The following MRE11 variants were observed in gnomAD, a reference collection of about 807,000 sequenced individuals.
MRE11 encodes MRE11 double strand break repair nuclease, also known as double-strand break repair protein MRE11.
Under a neutral mutation model 91.7 loss-of-function variants are expected in MRE11, and 62 were observed. The observed-to-expected ratio is 0.68, with a 90% CI of 0.55 to 0.84. The LOEUF (loss-of-function observed/expected upper bound fraction) is 0.84. Among genes scored for constraint, MRE11 ranks in the 40% least tolerant of loss-of-function variants. MRE11 has a pLI of 0.00. For synonymous variants in MRE11, 273 were observed against 271.4 expected (o/e 1.01, Z -0.06); for missense variants, 796 against 852.9 (o/e 0.93, Z 0.83).
At chr11:94,461,902 C>T (rs551994825) in intron 11 of MRE11, among the ~76,000 whole-genome samples, 1 of 152,144 alleles carries the variant, frequency 6.6e-6, no homozygotes, top group Middle Eastern at 3.4e-3. Flanking sequence ...GGTGAAACCC[C>T]GTCTCTACTA....
chr11:94,488,179 T>TA (rs1181462658), intron 3 of MRE11, among the ~76,000 whole-genome samples: 1 of 152,104 alleles, frequency 6.6e-6, no homozygotes, highest in East Asian at 1.9e-4. Context: ...GCTCAAGAGT[T>TA]AAAAAAGAAA....
upstream of MRE11, chr11:94,496,932 G>A (rs1303258857): frequency 1.9e-6 from 3 of 1,613,438 alleles, no homozygotes; most frequent in Non-Finnish European, 2.5e-6. Context: ...TTGCTTCTTT[G>A]GGCTGCTGAA....
the MRE11 span, chr11:94,512,407 CCGG>C: frequency 9.0e-7 from 1 of 1,110,636 alleles, no homozygotes; most frequent in African/African-American, 1.6e-5. Flanking sequence ...CCTCGGAAGG[CCGG>C]CTGGGGGCGG....
intron 4 of MRE11, among the ~76,000 whole-genome samples, chr11:94,480,786 C>G (rs935384123): frequency 3.9e-5 from 6 of 152,130 alleles, no homozygotes; most frequent in Admixed American, 6.5e-5. Flanking sequence ...ATGCTAGCAG[C>G]ATGTTGGAAT....
intron 4 of MRE11, among the ~76,000 whole-genome samples, chr11:94,480,301 T>C (rs1223086198): frequency 2.0e-5 from 3 of 152,234 alleles, no homozygotes; most frequent in African/African-American, 7.2e-5. Context: ...CAGATTTTTC[T>C]TTCTCCTTAC....
At chr11:94,467,402 C>T (rs1278721016) in intron 10 of MRE11, among the ~76,000 whole-genome samples, 1 of 151,974 alleles carries the variant, frequency 6.6e-6, no homozygotes, top group African/African-American at 2.4e-5. Context: ...AATCAGGGCA[C>T]TGGAGAGAAG....
rs999030057 is a variant in MRE11, at chr11:94,418,597, G to C, written c.*1528C>G. 1 of 232,270 alleles carries C rather than the reference G, an allele frequency of 4.3e-6. No homozygotes were observed. Among genetic ancestry groups the C allele is most frequent in the African/African-American group, 2.2e-5 (1 of 45,266 alleles). 14.4% of individuals were successfully genotyped at this position (232,270 alleles called of 1,614,324 possible). ...CATCATCCAGACACTGCCTCCCCTG[G>C]TAGCTTCCATTACATCATGGACAGC... is the stretch of plus-strand genomic sequence containing the variant. On this transcript the variant is annotated 3_prime_UTR_variant, in exon 20 of 20. Transcript: ENST00000323929.
rs559788784 is a variant in MRE11, at chr11:94,446,141, C to T, written c.1784-248G>A. On this transcript the variant is annotated intron_variant, in intron 15 of 19. Coordinates refer to ENST00000323929, the MANE Select transcript of MRE11 (RefSeq NM_005591.4). ...TAAGGAAATAGGCTGGACGTGGTAG[C>T]TCACGCCTGTAATCCCAGCACTTTG... 1.4e-4 allele frequency among the ~76,000 whole-genome samples: 22 copies of T among 152,276 alleles called. 1 individual carries two copies. In the South Asian group the frequency reaches 4.6e-3, roughly 32 times the overall value.
chr11:94,436,343 A>G (rs916470398), intron 17 of MRE11, among the ~76,000 whole-genome samples: 2 of 152,210 alleles, frequency 1.3e-5, no homozygotes, highest in African/African-American at 4.8e-5. Context: ...TTAAGACCCA[A>G]TAAAGATATT....
the MRE11 span, among the ~76,000 whole-genome samples, chr11:94,506,215 T>C: frequency 6.6e-6 from 1 of 151,562 alleles, no homozygotes; most frequent in Non-Finnish European, 1.5e-5. Flanking sequence ...ATTGAAAAAC[T>C]TTTAAGTAGT....
intron 18 of MRE11, among the ~76,000 whole-genome samples, chr11:94,432,253 A>T (rs1565203590): frequency 6.6e-6 from 1 of 152,226 alleles, no homozygotes; most frequent in East Asian, 1.9e-4. Flanking sequence ...ATATAAACTG[A>T]TTTGCATCTG....
At chr11:94,471,976 C>T (rs1041095029) in intron 7 of MRE11, among the ~76,000 whole-genome samples, 3 of 151,806 alleles carry the variant, frequency 2.0e-5, no homozygotes, top group Admixed American at 1.3e-4. Flanking sequence ...AGTGGAAACC[C>T]GAAAAGAGAA....
At chr11:94,454,916 T>C (rs1946207994) in intron 14 of MRE11, among the ~76,000 whole-genome samples, 1 of 152,194 alleles carries the variant, frequency 6.6e-6, no homozygotes, top group Non-Finnish European at 1.5e-5. Context: ...TGGCAAACTA[T>C]TTCTATTTTA....
At chr11:94,429,219 G>T (rs1945400416) in intron 19 of MRE11, among the ~76,000 whole-genome samples, 1 of 152,182 alleles carries the variant, frequency 6.6e-6, no homozygotes, top group South Asian at 2.1e-4. Flanking sequence ...TCAGAAAAGG[G>T]AATGCTTATA....
intron 16 of MRE11, among the ~76,000 whole-genome samples, chr11:94,442,659 A>G (rs899439446): frequency 3.9e-5 from 6 of 152,224 alleles, no homozygotes; most frequent in African/African-American, 1.4e-4. Flanking sequence ...TCATTTTTAA[A>G]AGAACACTTG....
intron 19 of MRE11, among the ~76,000 whole-genome samples, chr11:94,427,459 A>T (rs531222742): frequency 6.6e-6 from 1 of 152,138 alleles, no homozygotes; most frequent in African/African-American, 2.4e-5. Context: ...AAAAGCTAGA[A>T]CCATTCTCCC....
Position 94,429,914 on chromosome 11 carries a change from A to G in MRE11, c.2067T>C (p.Ser689=). 6.2e-7 allele frequency: 1 copy of G among 1,612,002 alleles called. No homozygotes were observed. The highest frequency in any genetic ancestry group is 8.5e-7 in the Non-Finnish European group (1 of 1,178,942). Residue 689 remains serine (S), a synonymous_variant, in exon 19 of 20, where the codon AGT becomes AGC. Coordinates refer to ENST00000323929, the MANE Select transcript of MRE11 (RefSeq NM_005591.4). ...QVSKGVDFES[S]EDDDDDPFMN... ...TTTAACAATATTACTTATTTACCTC[A>G]CTTGATTCAAAATCAACCCCTTTCG...
chr11:94,472,277 A>G (rs1946736820), intron 7 of MRE11, among the ~76,000 whole-genome samples: 1 of 152,120 alleles, frequency 6.6e-6, no homozygotes, highest in Non-Finnish European at 1.5e-5. Flanking sequence ...TATGCAAACT[A>G]TGGTATTATA....
At position 94,485,982 on chromosome 11, in the gene MRE11, C is replaced by T. The variant is rs763902512; in HGVS notation, c.256G>A (p.Asp86Asn). 10 of 1,613,672 alleles carry T rather than the reference C, an allele frequency of 6.2e-6. No homozygotes were observed. The African/African-American group carries it at 1.1e-4, about 17-fold the overall frequency. Residue 86 changes from aspartate (D) to asparagine (N), a missense_variant, in exon 4 of 20, where the codon GAT becomes AAT. Transcript: ENST00000323929. ...LELLRKYCMG[D>N]RPVQFEILSD... ...AGAATTTCAAACTGGACAGGCCGAT[C>T]ACCCATACAATATTTTCTTAATAAC...
Sources: allele counts gnomAD v4.1 joint callset (sites outside exome capture counted in the v4.1 genomes callset), GRCh38; gene constraint gnomAD v4.1.1; transcripts MANE v1.5; gene names NCBI Gene and HGNC (gene_info 2026-07-23, HGNC 2026-07-21).